SLC1A3: variants seen among roughly 807,000 people sequenced by gnomAD.
SLC1A3 encodes the protein solute carrier family 1 member 3.
SLC1A3 carries 21 observed loss-of-function variants against 48.1 expected under a neutral mutation model. That is an observed-to-expected ratio of 0.44 (90% CI 0.31 to 0.63). The LOEUF (loss-of-function observed/expected upper bound fraction) is 0.63, where lower values mean the gene tolerates loss of function less well. SLC1A3 is among the 20% of genes least tolerant of loss of function. The pLI is 0.08. For missense variants in SLC1A3, 546 were observed against 689.0 expected (o/e 0.79, Z 2.32); for synonymous variants, 239 against 251.4 (o/e 0.95, Z 0.47).
chr5:36,680,915 C>CAA (rs10710837), intron 8 of SLC1A3, among the ~76,000 whole-genome samples: 2 of 84,840 alleles, frequency 2.4e-5, no homozygotes, highest in African/African-American at 3.0e-5. Context: ...GACTCCATCT[C>CAA]AAAAAAAAAA....
rs1405626986 is a variant in SLC1A3 at position 36,688,001 on chromosome 5, C to A, written c.*1732C>A. The A allele has an allele frequency of 6.6e-6, 1 of 152,154 alleles. No homozygotes were observed. Among genetic ancestry groups the A allele is most frequent in the East Asian group, 1.9e-4 (1 of 5,206 alleles). 9.4% of individuals were successfully genotyped at this position (152,154 alleles called of 1,614,324 possible). ...ACAATTAGAGATATTTTTATATAGA[C>A]CCCAAGCATTCTGTGCATAAAAGTT... On this transcript the variant is annotated 3_prime_UTR_variant, in exon 10 of 10. Coordinates refer to ENST00000265113, the MANE Select transcript of SLC1A3 (RefSeq NM_004172.5).
chr5:36,639,109 G>T (rs1252971646), intron 3 of SLC1A3, among the ~76,000 whole-genome samples: 1 of 152,242 alleles, frequency 6.6e-6, no homozygotes. Context: ...GAGAAGCAGT[G>T]TGTGGTAGGG....
At chr5:36,677,250 T>C in intron 6 of SLC1A3, 66 bp downstream of exon 6, 1 of 1,444,076 alleles carries the variant, frequency 6.9e-7, no homozygotes, top group Non-Finnish European at 9.7e-7. Context: ...ATGTGTTCTG[T>C]ACTGAGGAAG....
At chr5:36,684,756 C>T (rs1283583129) in intron 9 of SLC1A3, among the ~76,000 whole-genome samples, 1 of 152,150 alleles carries the variant, frequency 6.6e-6, no homozygotes, top group Non-Finnish European at 1.5e-5. Flanking sequence ...GCGTGAAACC[C>T]CAGACTGGGC....
intron 2 of SLC1A3, among the ~76,000 whole-genome samples, chr5:36,623,014 CA>C (rs1158762437): frequency 0.017 from 879 of 51,960 alleles, 13 homozygotes; most frequent in East Asian, 0.13. Context: ...TCCATCATCT[CA>C]AAAAAAAAAA....
In SLC1A3 at chr5:36,647,698, C is replaced by A. The variant is rs1450757833; in HGVS notation, c.319+18111C>A. On this transcript the variant is annotated intron_variant, in intron 3 of 9. Transcript: ENST00000265113. ...TTTCATGGAAGGAGCTTTTTGTCAGCATTGGAAAAAGGGAGATTTGGGTCA... is the reference window on the plus strand; with the variant it reads ...TTTCATGGAAGGAGCTTTTTGTCAGAATTGGAAAAAGGGAGATTTGGGTCA... Among the ~76,000 whole-genome samples the A allele has an allele frequency of 2.6e-5, 4 of 152,168 alleles. No homozygotes were observed. The East Asian group carries it at 7.7e-4, about 29-fold the overall frequency.
chr5:36,611,939 A>C (rs1052207822), intron 2 of SLC1A3, among the ~76,000 whole-genome samples: 1 of 152,242 alleles, frequency 6.6e-6, no homozygotes, highest in African/African-American at 2.4e-5. Context: ...GAAATGGGTC[A>C]TAAGATCAGC....
chr5:36,680,477 G>A lies in SLC1A3; in HGVS notation c.1177G>A (p.Val393Ile), dbSNP rs549250283. The stretch of plus-strand genomic sequence containing the variant: ...GCGCGTCACCAGATTCGTGCTCCCC[G>A]TAGGAGCCACCATTAACATGGATGG... ...DKRVTRFVLP[V>I]GATINMDGTA... The change falls in exon 8 of 10, where the codon GTA (valine) becomes ATA (isoleucine). Residue 393 changes from valine to isoleucine, a missense_variant. This residue lies in a region of SLC1A3 where 142 missense variants were observed against 238.0 expected (regional missense o/e 0.60). Coordinates refer to ENST00000265113, the MANE Select transcript of SLC1A3 (RefSeq NM_004172.5). 70 of 1,614,076 alleles carry A rather than the reference G, an allele frequency of 4.3e-5. No homozygotes were observed. Among genetic ancestry groups the A allele is most frequent in the South Asian group, 2.3e-4 (21 of 91,080 alleles).
intron 8 of SLC1A3, among the ~76,000 whole-genome samples, 172 bp downstream of exon 8, chr5:36,680,761 A>G (rs557272227): frequency 4.3e-4 from 65 of 152,148 alleles, no homozygotes; most frequent in Non-Finnish European, 7.6e-4. Flanking sequence ...CACTAAAAAT[A>G]CAAAAATTAG....
At chr5:36,653,740 G>A (rs1190831824) in intron 3 of SLC1A3, among the ~76,000 whole-genome samples, 1 of 152,198 alleles carries the variant, frequency 6.6e-6, no homozygotes, top group Non-Finnish European at 1.5e-5. Flanking sequence ...CAAACACTAG[G>A]TCTTTCTAGA....
chr5:36,682,925 A>C (rs1052712847), intron 8 of SLC1A3, among the ~76,000 whole-genome samples: 7 of 152,238 alleles, frequency 4.6e-5, no homozygotes, highest in Middle Eastern at 3.2e-3. Flanking sequence ...CAGACTTAAT[A>C]CTTTATTAAT....
At chr5:36,642,939 C>T (rs1421962884) in intron 3 of SLC1A3, among the ~76,000 whole-genome samples, 2 of 152,098 alleles carry the variant, frequency 1.3e-5, no homozygotes, top group Non-Finnish European at 2.9e-5. Context: ...ATACATATTG[C>T]ATATACATGG....
In SLC1A3 at chr5:36,608,723, C is replaced by T. The variant is rs370573389; in HGVS notation, c.181+119C>T. The stretch of plus-strand genomic sequence containing the variant: ...GTATCAAAATGGTAGCCTAGGCTTT[C>T]CTCTGAACTTGATGATTTTTCTCCA... On this transcript the variant is annotated intron_variant, in intron 2 of 9. Transcript: ENST00000265113. The T allele has an allele frequency of 9.9e-6, 15 of 1,511,942 alleles. No individual in the cohort carries two copies. In the African/African-American group the frequency reaches 1.3e-4, roughly 13 times the overall value. The allele number at this position is 1,511,942 out of a possible 1,614,324, so 93.7% of individuals were successfully genotyped here.
At chr5:36,653,713 C>T (rs1363269562) in intron 3 of SLC1A3, among the ~76,000 whole-genome samples, 1 of 152,220 alleles carries the variant, frequency 6.6e-6, no homozygotes, top group Non-Finnish European at 1.5e-5. Flanking sequence ...ATGCCCTGGA[C>T]TTGTGAGCTT....
rs1131691717 is a variant in SLC1A3, at chr5:36,679,700, G to A, written c.934G>A (p.Gly312Arg). 1 of 1,614,036 alleles carries A rather than the reference G, an allele frequency of 6.2e-7. No individual in the cohort carries two copies. The highest frequency in any genetic ancestry group is 1.7e-5 in the Admixed American group (1 of 60,006). The stretch of plus-strand genomic sequence containing the variant: ...GATGGAAGACATGGGTGTGATTGGG[G>A]GGCAGCTTGCCATGTACACCGTGAC... ...VEMEDMGVIG[G>R]QLAMYTVTVI... is the part of the protein sequence containing the mutation. The change falls in exon 7 of 10, where the codon GGG (glycine) becomes AGG (arginine). Residue 312 changes from glycine to arginine, a missense_variant. Physicochemically the swap from Gly to Arg is moderately radical, Grantham distance 125. Around this residue, in one of 3 missense-constraint regions of SLC1A3, gnomAD observed 348 missense variants for 392.0 expected, o/e 0.89. Transcript: ENST00000265113.
rs551312034 is a variant in SLC1A3 at position 36,609,204 on chromosome 5, T to G, written c.181+600T>G. 59 of 978,692 alleles carry G rather than the reference T, an allele frequency of 6.0e-5. No individual in the cohort carries two copies. The African/African-American group carries it at 1.0e-3, about 17-fold the overall frequency. The allele number at this position is 978,692 out of a possible 1,614,324, so 60.6% of individuals were successfully genotyped here. A position where few individuals can be genotyped will look rare whatever the true frequency, so the allele number is the denominator to read the frequency against. ...GCCTGCCATAACCAGCTATACCTTTTTTTGAATCATTTCCATCTCTTACTA... is the reference window on the plus strand; with the variant it reads ...GCCTGCCATAACCAGCTATACCTTTGTTTGAATCATTTCCATCTCTTACTA... On this transcript the variant is annotated intron_variant, in intron 2 of 9. Transcript: ENST00000265113.
intron 5 of SLC1A3, among the ~76,000 whole-genome samples, chr5:36,676,493 T>C (rs1311490353): frequency 6.6e-6 from 1 of 152,184 alleles, no homozygotes; most frequent in African/African-American, 2.4e-5. Context: ...AAAGGACTAT[T>C]GTGAATATTT....
chr5:36,686,303 G>T lies in SLC1A3; in HGVS notation c.*34G>T, dbSNP rs1379286336. 2 of 1,484,614 alleles carry T rather than the reference G, an allele frequency of 1.3e-6. No homozygotes were observed. Among genetic ancestry groups the T allele is most frequent in the South Asian group, 1.1e-5 (1 of 88,476 alleles). The allele number at this position is 1,484,614 out of a possible 1,614,324, so 92.0% of individuals were successfully genotyped here. ...AAAGAAACACTTTCTTGAGCACCAGGTGTTAAAAACCATTATAAAATCTTT... is the reference window on the plus strand; with the variant it reads ...AAAGAAACACTTTCTTGAGCACCAGTTGTTAAAAACCATTATAAAATCTTT... On this transcript the variant is annotated 3_prime_UTR_variant, in exon 10 of 10. Transcript: ENST00000265113.
At chr5:36,625,890 A>G (rs1021642486) in intron 2 of SLC1A3, among the ~76,000 whole-genome samples, 7 of 152,222 alleles carry the variant, frequency 4.6e-5, no homozygotes, top group Non-Finnish European at 8.8e-5. Context: ...GTAGGACTGC[A>G]CTTCCCAGCA....
Sources: gnomAD v4.1 joint callset for allele counts (sites outside exome capture counted in the v4.1 genomes callset) on GRCh38, gnomAD v4.1.1 for gene constraint, gnomAD v4.1.1 regional missense constraint, MANE v1.5 for transcripts, NCBI Gene and HGNC (gene_info 2026-07-23, HGNC 2026-07-21) for gene names.